Variants in CLTC observed in about 807,000 individuals in gnomAD.
CLTC encodes clathrin heavy chain.
CLTC carries 16 observed loss-of-function variants against 195.8 expected under a neutral mutation model. The observed-to-expected ratio is 0.08, with a 90% CI of 0.06 to 0.12. The LOEUF (loss-of-function observed/expected upper bound fraction) is 0.12, where lower values mean the gene tolerates loss of function less well. CLTC is among the 10% of genes least tolerant of loss of function. The pLI, the probability that CLTC is intolerant of heterozygous loss-of-function variation, is 1.00. For synonymous variants in CLTC, 667 were observed against 689.4 expected (o/e 0.97, Z 0.51); for missense variants, 796 against 2,027.0 (o/e 0.39, Z 11.66).
intron 1 of CLTC, among the ~76,000 whole-genome samples, chr17:59,632,598 GC>G (rs1239986786): frequency 1.3e-5 from 2 of 152,052 alleles, no homozygotes; most frequent in Non-Finnish European, 2.9e-5. Context: ...AGCCGAGATT[GC>G]GCCACTGCAT....
chr17:59,620,987 TAGC>T (rs1163132164), intron 1 of CLTC, among the ~76,000 whole-genome samples: 1 of 152,192 alleles, frequency 6.6e-6, no homozygotes, highest in East Asian at 1.9e-4. Context: ...TCTCGAGTAG[TAGC>T]AGGTAGTTTT....
chr17:59,658,196 C>G (rs1212737821), intron 6 of CLTC, among the ~76,000 whole-genome samples: 2 of 152,000 alleles, frequency 1.3e-5, no homozygotes, highest in Admixed American at 6.6e-5. Context: ...GAGCGAGACT[C>G]CGTCTCAAAA....
chr17:59,684,816 G>GAAAAAAAAAAAAAAAAAAAAAAAAAAA (rs61595408), intron 28 of CLTC, among the ~76,000 whole-genome samples: 1 of 146,320 alleles, frequency 6.8e-6, no homozygotes, highest in Non-Finnish European at 1.5e-5. Context: ...CAAAAAAAAA[G>GAAAAAAAAAAAAAAAAAAAAAAAAAAA]AAAAAAATCT....
chr17:59,640,850 G>T (rs564374273), intron 1 of CLTC, among the ~76,000 whole-genome samples: 1 of 151,974 alleles, frequency 6.6e-6, no homozygotes, highest in African/African-American at 2.4e-5. Flanking sequence ...GCTGGACGCC[G>T]TGGCTCATGC....
intron 1 of CLTC, among the ~76,000 whole-genome samples, chr17:59,638,444 T>A (rs2031932406): frequency 6.6e-6 from 1 of 151,872 alleles, no homozygotes; most frequent in Non-Finnish European, 1.5e-5. Context: ...TCATCTCAAA[T>A]GTTTCATATG....
intron 5 of CLTC, among the ~76,000 whole-genome samples, chr17:59,654,375 A>G (rs937274167): frequency 2.1e-5 from 3 of 144,512 alleles, no homozygotes; most frequent in African/African-American, 7.7e-5. Flanking sequence ...ACAGGGCTTC[A>G]CCGTGTTGGT....
At position 59,676,443 on chromosome 17, in the gene CLTC, C is replaced by A. The variant is rs1488916380; in HGVS notation, c.2562-511C>A. On this transcript the variant is annotated intron_variant, in intron 16 of 31. Transcript: ENST00000269122. ...GCCTATGTAATATCACATCCCCATC[C>A]TATCCACAAACAAAATTTTCTGAAG... is the stretch of plus-strand genomic sequence containing the variant. 2.0e-5 allele frequency among the ~76,000 whole-genome samples: 3 copies of A among 152,178 alleles called. No homozygotes were observed. In the East Asian group the frequency reaches 5.8e-4, roughly 29 times the overall value.
intron 7 of CLTC, among the ~76,000 whole-genome samples, chr17:59,661,212 A>G (rs766691048): frequency 6.6e-6 from 1 of 151,400 alleles, no homozygotes; most frequent in Non-Finnish European, 1.5e-5. Flanking sequence ...GGATAATCTT[A>G]TAACATTGAA....
chr17:59,664,560 AAAAAAAAGAAAAG>A, intron 9 of CLTC: 2 of 375,556 alleles, frequency 5.3e-6, no homozygotes, highest in East Asian at 5.8e-5. Flanking sequence ...CAAAAAAAAA[AAAAAAAAGAAAAG>A]AAAAGAAAAG....
intron 1 of CLTC, among the ~76,000 whole-genome samples, chr17:59,637,490 C>T (rs1476027041): frequency 6.6e-5 from 10 of 150,790 alleles, no homozygotes; most frequent in South Asian, 4.2e-4. Flanking sequence ...ATGATCCGCC[C>T]GCCTCGGCCT....
intron 4 of CLTC, among the ~76,000 whole-genome samples, chr17:59,649,929 A>G (rs564443653): frequency 1.2e-3 from 178 of 152,324 alleles, no homozygotes; most frequent in African/African-American, 4.1e-3. Flanking sequence ...AAAAGTTTCA[A>G]TGTCATTTTG....
chr17:59,664,568 GAAAA>G (rs1567956846), intron 9 of CLTC: 12 of 226,084 alleles, frequency 5.3e-5, no homozygotes, highest in South Asian at 1.4e-4. Flanking sequence ...AAAAAAAAAA[GAAAA>G]GAAAAGAAAA....
At position 59,683,535 on chromosome 17, in the gene CLTC, A is replaced by G. The variant is rs1478418025; in HGVS notation, c.4190A>G (p.Lys1397Arg). The G allele has an allele frequency of 6.2e-7, 1 of 1,613,686 alleles. No individual in the cohort carries two copies. The highest frequency in any genetic ancestry group is 1.7e-5 in the Admixed American group (1 of 59,958). ...KEGQFKDIIT[K>R]VANVELYYRA... Reference sequence around the variant, plus strand: ...GGGCAATTCAAAGATATCATTACCAAGGTGTGTACTTTCTTCAGAAGATAA... The same window carrying G: ...GGGCAATTCAAAGATATCATTACCAGGGTGTGTACTTTCTTCAGAAGATAA... Residue 1397 changes from lysine (K) to arginine (R), a missense_variant and splice_region_variant, in exon 26 of 32, where the codon AAG becomes AGG. By Grantham distance (26) the Lys-to-Arg change is conservative. Transcript: ENST00000269122. The surrounding 1 kb of genome is among the most constrained non-coding windows in gnomAD (Gnocchi z 6.1).
At chr17:59,687,909 G>A (rs1340011431) in intron 30 of CLTC, among the ~76,000 whole-genome samples, 1 of 152,086 alleles carries the variant, frequency 6.6e-6, no homozygotes, top group Non-Finnish European at 1.5e-5. Flanking sequence ...TTATCAAATT[G>A]TGGTTAGAAA....
At chr17:59,627,089 C>T (rs747940647) in intron 1 of CLTC, among the ~76,000 whole-genome samples, 6 of 151,852 alleles carry the variant, frequency 4.0e-5, no homozygotes, top group East Asian at 1.9e-4. Context: ...TTTGTAGAGT[C>T]GGGGTTTTGC....
intron 1 of CLTC, among the ~76,000 whole-genome samples, chr17:59,641,326 TCTTGTCTAGACTGAGGCTGACTGA>T (rs997150236): frequency 5.3e-5 from 8 of 152,062 alleles, no homozygotes; most frequent in African/African-American, 7.2e-5. Context: ...ACTTTTCTGT[TCTTGTCTAGACTGAGGCTGACTGA>T]CTTGTCTAGA....
chr17:59,668,738 GTGTGCCTA>G (rs749565692), intron 13 of CLTC, 31 bp from the exon 14 acceptor site: 26 of 1,503,534 alleles, frequency 1.7e-5, no homozygotes, highest in Non-Finnish European at 1.8e-5. Flanking sequence ...ATTCTCAAAA[GTGTGCCTA>G]TGCTTAATTG....
intron 14 of CLTC, among the ~76,000 whole-genome samples, chr17:59,672,614 A>C (rs1316894102): frequency 6.6e-6 from 1 of 152,220 alleles, no homozygotes; most frequent in Non-Finnish European, 1.5e-5. Flanking sequence ...GAAAATCTGC[A>C]GCTTTACAGA....
intron 1 of CLTC, among the ~76,000 whole-genome samples, chr17:59,641,337 C>T (rs1202311101): frequency 6.6e-6 from 1 of 151,864 alleles, no homozygotes; most frequent in Admixed American, 6.6e-5. Flanking sequence ...CTTGTCTAGA[C>T]TGAGGCTGAC....
Sources: allele counts gnomAD v4.1 joint callset (sites outside exome capture counted in the v4.1 genomes callset), GRCh38; gene constraint gnomAD v4.1.1; non-coding constraint Gnocchi (gnomAD v3.1); transcripts MANE v1.5; gene names NCBI Gene and HGNC (gene_info 2026-07-23, HGNC 2026-07-21).